The following CNBD1 variants were observed in gnomAD, a reference collection of about 807,000 sequenced individuals.
CNBD1 encodes cyclic nucleotide-binding domain-containing protein 1.
CNBD1 carries 71 observed loss-of-function variants against 54.4 expected under a neutral mutation model. That is an observed-to-expected ratio of 1.30 (90% CI 1.08 to 1.59). CNBD1 has a LOEUF of 1.59. Among genes scored for constraint, CNBD1 ranks in the 40% most tolerant of loss-of-function variants. The probability of loss-of-function intolerance (pLI) is 0.00; values close to 1 mark genes in which losing one functional copy is unlikely to be tolerated. For missense variants in CNBD1, 659 were observed against 518.0 expected (o/e 1.27, Z -2.64); for synonymous variants, 182 against 170.7 (o/e 1.07, Z -0.51).
intron 3 of CNBD1, among the ~76,000 whole-genome samples, chr8:86,909,513 TAAAC>T (rs1432852942): frequency 2.6e-5 from 4 of 152,272 alleles, no homozygotes; most frequent in East Asian, 1.9e-4. Context: ...AATTCCTAAA[TAAAC>T]ATTGCAGTGT....
At chr8:86,919,777 C>T (rs1809242433) in intron 3 of CNBD1, among the ~76,000 whole-genome samples, 1 of 152,160 alleles carries the variant, frequency 6.6e-6, no homozygotes, top group African/African-American at 2.4e-5. Flanking sequence ...GCTGACTTTG[C>T]TGTCAAAGTG....
intron 4 of CNBD1, among the ~76,000 whole-genome samples, chr8:87,200,314 G>C (rs887144620): frequency 4.6e-5 from 7 of 152,156 alleles, no homozygotes; most frequent in African/African-American, 1.7e-4. Context: ...CACAGTCAGT[G>C]TTCAAATTAG....
At chr8:87,038,746 A>C (rs1810001949) in intron 4 of CNBD1, among the ~76,000 whole-genome samples, 1 of 152,198 alleles carries the variant, frequency 6.6e-6, no homozygotes, top group Admixed American at 6.5e-5. Flanking sequence ...ATGTCTTCCA[A>C]AGTTAGCTTG....
At chr8:87,225,543 T>G (rs2130813650) in intron 5 of CNBD1, among the ~76,000 whole-genome samples, 1 of 151,340 alleles carries the variant, frequency 6.6e-6, no homozygotes, top group Non-Finnish European at 1.5e-5. Context: ...GGATTACATT[T>G]ATTGATTTGC....
chr8:87,381,667 T>C (rs1345855940), intron 10 of CNBD1, among the ~76,000 whole-genome samples: 4 of 152,002 alleles, frequency 2.6e-5, no homozygotes, highest in African/African-American at 4.8e-5. Flanking sequence ...AATGGAATGC[T>C]ATTCAGCCTT....
chr8:86,983,432 A>G (rs1175615609), intron 4 of CNBD1, among the ~76,000 whole-genome samples: 1 of 152,198 alleles, frequency 6.6e-6, no homozygotes, highest in Non-Finnish European at 1.5e-5. Flanking sequence ...ATATACCCAA[A>G]AAAGTGAAAG....
intron 3 of CNBD1, among the ~76,000 whole-genome samples, chr8:86,921,363 T>C (rs1268424490): frequency 2.0e-5 from 3 of 152,140 alleles, no homozygotes; most frequent in African/African-American, 7.2e-5. Context: ...AAGTCAGCCC[T>C]ATAGTTATTG....
chr8:86,913,074 A>G (rs2131816648), intron 3 of CNBD1, among the ~76,000 whole-genome samples: 1 of 152,356 alleles, frequency 6.6e-6, no homozygotes, highest in East Asian at 1.9e-4. Context: ...GAGTAAAGAC[A>G]TTAAACACAA....
intron 4 of CNBD1, among the ~76,000 whole-genome samples, chr8:87,016,437 A>G (rs540329400): frequency 3.9e-4 from 59 of 150,168 alleles, no homozygotes; most frequent in African/African-American, 1.4e-3. Context: ...AAAGGAAATT[A>G]TACAGATAAA....
intron 8 of CNBD1, among the ~76,000 whole-genome samples, chr8:87,327,356 T>A (rs1809699595): frequency 6.6e-6 from 1 of 151,318 alleles, no homozygotes. Flanking sequence ...CCGGCTGCTT[T>A]GTTTACCTAA....
At chr8:87,199,207 G>A (rs530197684) in intron 4 of CNBD1, among the ~76,000 whole-genome samples, 1 of 152,214 alleles carries the variant, frequency 6.6e-6, no homozygotes, top group Admixed American at 6.5e-5. Context: ...CAATGGCAAT[G>A]GTGTCTCAAC....
At chr8:86,868,698 A>G (rs1808398511) in intron 1 of CNBD1, among the ~76,000 whole-genome samples, 1 of 151,626 alleles carries the variant, frequency 6.6e-6, no homozygotes, top group East Asian at 1.9e-4. Context: ...AACATTTAGC[A>G]CGTTATGTTA....
chr8:87,358,034 G>T (rs562873783), intron 10 of CNBD1, among the ~76,000 whole-genome samples: 1 of 152,076 alleles, frequency 6.6e-6, no homozygotes, highest in Non-Finnish European at 1.5e-5. Flanking sequence ...CATGTGACAT[G>T]CCTGCTCCTT....
chr8:86,905,048 C>T, intron 2 of CNBD1, 33 bp from the exon 3 acceptor site: 1 of 1,306,200 alleles, frequency 7.7e-7, no homozygotes, highest in Non-Finnish European at 1.1e-6. Flanking sequence ...TATCCTATGA[C>T]ACTTACAATT....
chr8:87,179,498 T>G (rs1434539612), intron 4 of CNBD1, among the ~76,000 whole-genome samples: 4 of 152,204 alleles, frequency 2.6e-5, no homozygotes, highest in Non-Finnish European at 5.9e-5. Context: ...AAATGCCCTC[T>G]AAAATAAGGA....
At chr8:87,274,807 C>T (rs577694478) in intron 6 of CNBD1, among the ~76,000 whole-genome samples, 1 of 134,744 alleles carries the variant, frequency 7.4e-6, no homozygotes, top group East Asian at 2.0e-4. Context: ...GCTTTTGTTG[C>T]CATTGCTTTT....
intron 7 of CNBD1, 95 bp from the exon 8 acceptor site, chr8:87,286,444 C>T: frequency 2.8e-6 from 2 of 710,300 alleles, no homozygotes; most frequent in Non-Finnish European, 2.3e-6. Flanking sequence ...ATTCATATGG[C>T]CTTTATTTTA....
intron 8 of CNBD1, among the ~76,000 whole-genome samples, chr8:87,322,861 A>C (rs1809568167): frequency 8.5e-6 from 1 of 117,334 alleles, no homozygotes; most frequent in Admixed American, 8.5e-5. Flanking sequence ...TTGGTGTTTT[A>C]GACATGAAGT....
intron 4 of CNBD1, among the ~76,000 whole-genome samples, chr8:86,958,759 T>C (rs1648655713): frequency 6.6e-6 from 1 of 152,214 alleles, no homozygotes; most frequent in African/African-American, 2.4e-5. Flanking sequence ...TACAGCACAC[T>C]GATAGGTCTT....
Sources: gnomAD v4.1 joint callset for allele counts (sites outside exome capture counted in the v4.1 genomes callset) on GRCh38, gnomAD v4.1.1 for gene constraint, MANE v1.5 for transcripts, NCBI Gene and HGNC (gene_info 2026-07-23, HGNC 2026-07-21) for gene names.